GAS2: variants seen among roughly 807,000 people sequenced by gnomAD.
The protein encoded by GAS2 is growth arrest specific 2.
In GAS2, 20 loss-of-function variants were observed where a neutral mutation model predicts 37.5. The observed-to-expected ratio is 0.53, with a 90% CI of 0.37 to 0.77. The LOEUF is 0.77. GAS2 is among the 30% of genes least tolerant of loss of function. GAS2 has a pLI of 0.00. For missense variants in GAS2, 336 were observed against 373.4 expected (o/e 0.90, Z 0.82); for synonymous variants, 144 against 132.2 (o/e 1.09, Z -0.61).
At chr11:22,710,283 A>G (rs1273629284) in intron 3 of GAS2, among the ~76,000 whole-genome samples, 1 of 152,168 alleles carries the variant, frequency 6.6e-6, no homozygotes, top group Admixed American at 6.5e-5. Context: ...TCCATCTATT[A>G]AAAAATCTTT....
At chr11:22,657,978 G>A (rs1252787051) in intron 1 of GAS2, among the ~76,000 whole-genome samples, 1 of 150,942 alleles carries the variant, frequency 6.6e-6, no homozygotes, top group African/African-American at 2.4e-5. Flanking sequence ...AATTTAAAAC[G>A]ATCCAGATGT....
intron 7 of GAS2, among the ~76,000 whole-genome samples, chr11:22,790,415 T>G (rs1311792576): frequency 6.6e-6 from 1 of 152,232 alleles, no homozygotes; most frequent in East Asian, 1.9e-4. Flanking sequence ...GCTTTACATT[T>G]CTGTCCCTCT....
At chr11:22,693,840 G>T (rs1418332992) in intron 3 of GAS2, among the ~76,000 whole-genome samples, 3 of 152,164 alleles carry the variant, frequency 2.0e-5, no homozygotes, top group Non-Finnish European at 1.5e-5. Flanking sequence ...CATTCAGTGA[G>T]CTCTGGGTCT....
In GAS2 at chr11:22,688,860, T is replaced by G. The variant is rs1850096639; in HGVS notation, c.267+3071T>G. Reference sequence around the variant, plus strand: ...CACCTGTATGTTCATAGCAGCACTATTCACTACTGCAAAGACATGAAATCA... The same window carrying G: ...CACCTGTATGTTCATAGCAGCACTAGTCACTACTGCAAAGACATGAAATCA... On this transcript the variant is annotated intron_variant, in intron 3 of 7. Coordinates refer to ENST00000454584, the MANE Select transcript of GAS2 (RefSeq NM_001143830.3). Among the ~76,000 whole-genome samples the G allele has an allele frequency of 2.0e-5, 3 of 152,140 alleles. No individual in the cohort carries two copies. The South Asian group carries it at 6.2e-4, about 32-fold the overall frequency.
intron 3 of GAS2, among the ~76,000 whole-genome samples, chr11:22,694,059 G>A (rs893078138): frequency 6.6e-6 from 1 of 152,016 alleles, no homozygotes; most frequent in Admixed American, 6.6e-5. Flanking sequence ...AATAACTAAT[G>A]GGTACTAGGC....
intron 7 of GAS2, among the ~76,000 whole-genome samples, chr11:22,790,667 T>TGGCC (rs1856110227): frequency 6.6e-6 from 1 of 151,378 alleles, no homozygotes; most frequent in Admixed American, 6.6e-5. Context: ...TTCACCATGT[T>TGGCC]GGCCAGGCTG....
intron 7 of GAS2, among the ~76,000 whole-genome samples, chr11:22,797,838 T>C (rs1353734782): frequency 6.6e-6 from 1 of 152,080 alleles, no homozygotes; most frequent in South Asian, 2.1e-4. Flanking sequence ...GTTCCAAGCA[T>C]GTAAAGCACC....
At chr11:22,626,049 C>G in intron 1 of GAS2, 3 of 566,772 alleles carry the variant, frequency 5.3e-6, no homozygotes, top group Non-Finnish European at 9.5e-6. Context: ...GTAGGGCATC[C>G]TACCGAGAAT....
At chr11:22,638,618 T>C (rs148403042) in intron 1 of GAS2, among the ~76,000 whole-genome samples, 2,245 of 152,240 alleles carry the variant, frequency 0.015, 52 homozygotes, top group African/African-American at 0.052. Flanking sequence ...AGTGCTGGGA[T>C]TACAGGCATG....
intron 1 of GAS2, among the ~76,000 whole-genome samples, chr11:22,673,535 T>C (rs1480873288): frequency 6.6e-6 from 1 of 152,236 alleles, no homozygotes; most frequent in Non-Finnish European, 1.5e-5. Context: ...TCCTGCATGT[T>C]ATTAAACATG....
chr11:22,632,546 A>G (rs1274658641), intron 1 of GAS2, among the ~76,000 whole-genome samples: 2 of 152,034 alleles, frequency 1.3e-5, no homozygotes, highest in Non-Finnish European at 2.9e-5. Flanking sequence ...CCTTTTTGCA[A>G]TGCATTTCCC....
At chr11:22,719,499 T>C (rs2134128949) in intron 3 of GAS2, among the ~76,000 whole-genome samples, 1 of 152,140 alleles carries the variant, frequency 6.6e-6, no homozygotes, top group Non-Finnish European at 1.5e-5. Flanking sequence ...TCACCCAAAG[T>C]CCATAGTTTT....
chr11:22,808,544 G>C (rs1163722164), intron 7 of GAS2, among the ~76,000 whole-genome samples: 1 of 152,168 alleles, frequency 6.6e-6, no homozygotes, highest in Non-Finnish European at 1.5e-5. Flanking sequence ...TGCCTAAATG[G>C]CCAGCATACT....
chr11:22,803,738 A>T (rs1856765793), intron 7 of GAS2, among the ~76,000 whole-genome samples: 2 of 152,162 alleles, frequency 1.3e-5, no homozygotes, highest in Non-Finnish European at 2.9e-5. Context: ...CCCTGTTCTG[A>T]GTTTGCATAT....
At chr11:22,700,493 G>T (rs1216131392) in intron 3 of GAS2, among the ~76,000 whole-genome samples, 2 of 152,134 alleles carry the variant, frequency 1.3e-5, no homozygotes, top group Non-Finnish European at 2.9e-5. Flanking sequence ...AAACAATAAG[G>T]ATCTGAGGAC....
At chr11:22,714,108 G>A (rs1851547325) in intron 3 of GAS2, among the ~76,000 whole-genome samples, 1 of 152,050 alleles carries the variant, frequency 6.6e-6, no homozygotes, top group Non-Finnish European at 1.5e-5. Flanking sequence ...CCAAAACCAA[G>A]TGTCTGCCAT....
intron 3 of GAS2, among the ~76,000 whole-genome samples, chr11:22,723,200 C>T (rs773344353): frequency 1.3e-5 from 2 of 151,876 alleles, no homozygotes; most frequent in Non-Finnish European, 2.9e-5. Context: ...CATAAATTAC[C>T]TAAATGCCAA....
At chr11:22,703,783 C>T (rs1850963801) in intron 3 of GAS2, among the ~76,000 whole-genome samples, 1 of 152,106 alleles carries the variant, frequency 6.6e-6, no homozygotes, top group Non-Finnish European at 1.5e-5. Context: ...TGAATGGCTT[C>T]TATTGTTTGA....
intron 7 of GAS2, among the ~76,000 whole-genome samples, chr11:22,785,659 A>C (rs1855785033): frequency 6.6e-6 from 1 of 151,998 alleles, no homozygotes; most frequent in Admixed American, 6.6e-5. Context: ...TTTTTTTTAA[A>C]CTATATCTTC....
Sources: gnomAD v4.1 joint callset for allele counts (sites outside exome capture counted in the v4.1 genomes callset) on GRCh38, gnomAD v4.1.1 for gene constraint, MANE v1.5 for transcripts, NCBI Gene and HGNC (gene_info 2026-07-23, HGNC 2026-07-21) for gene names.